Variants in GALNT17 observed in about 807,000 individuals in gnomAD.
GALNT17 encodes UDP-GalNAc:polypeptide N-acetylgalactosaminyltransferase-like 3.
In GALNT17, 29 loss-of-function variants were observed where a neutral mutation model predicts 63.7. That is an observed-to-expected ratio of 0.46 (90% CI 0.34 to 0.62). GALNT17 has a LOEUF of 0.62. Among genes scored for constraint, GALNT17 ranks in the 20% least tolerant of loss-of-function variants. The pLI is 0.01. For synonymous variants in GALNT17, 305 were observed against 318.3 expected, an observed-to-expected ratio of 0.96 and a Z score of 0.45; for missense variants, 603 against 799.6, an observed-to-expected ratio of 0.75 and a Z score of 2.97.
intron 1 of GALNT17, among the ~76,000 whole-genome samples, chr7:71,190,010 A>C (rs1431007415): frequency 6.6e-6 from 1 of 151,942 alleles, no homozygotes; most frequent in East Asian, 1.9e-4. Context: ...GCAGGGTTTC[A>C]CTGTGTTAGC....
intron 1 of GALNT17, among the ~76,000 whole-genome samples, chr7:71,232,652 CT>C (rs927115827): frequency 1.3e-4 from 20 of 152,280 alleles, no homozygotes; most frequent in African/African-American, 4.8e-4. Context: ...TGTTACAGCT[CT>C]GTGACTGCTC....
intron 1 of GALNT17, among the ~76,000 whole-genome samples, chr7:71,165,947 G>T (rs1788432673): frequency 7.5e-6 from 1 of 133,002 alleles, no homozygotes; most frequent in African/African-American, 3.7e-5. Flanking sequence ...AGTGAAAGCT[G>T]CTCTTTTTTT....
chr7:71,497,318 A>G (rs1788112476), intron 5 of GALNT17, among the ~76,000 whole-genome samples: 1 of 152,148 alleles, frequency 6.6e-6, no homozygotes, highest in Non-Finnish European at 1.5e-5. Flanking sequence ...TTATTTTTTC[A>G]CAACTCTGGA....
chr7:71,303,705 T>C (rs77859013), intron 1 of GALNT17, among the ~76,000 whole-genome samples: 1 of 152,116 alleles, frequency 6.6e-6, no homozygotes, highest in African/African-American at 2.4e-5. Flanking sequence ...CCTTTTTTTT[T>C]CTTCATGACT....
intron 6 of GALNT17, among the ~76,000 whole-genome samples, chr7:71,630,875 C>A (rs1332328422): frequency 1.3e-5 from 2 of 152,196 alleles, no homozygotes; most frequent in African/African-American, 4.8e-5. Flanking sequence ...TTGAGATAGG[C>A]CACGTCGTTA....
chr7:71,694,175 A>C (rs1791505259), intron 9 of GALNT17, among the ~76,000 whole-genome samples: 1 of 152,034 alleles, frequency 6.6e-6, no homozygotes, highest in African/African-American at 2.4e-5. Context: ...TGTGAGACTT[A>C]TTCACTATCT....
chr7:71,415,958 A>G lies in GALNT17; in HGVS notation c.659A>G (p.Asn220Ser), dbSNP rs1477179482. 1.9e-6 allele frequency: 3 copies of G among 1,613,734 alleles called. No homozygotes were observed. Residue 220 changes from asparagine (N) to serine (S), a missense_variant, in exon 4 of 11, where the codon AAT becomes AGT. Coordinates refer to ENST00000333538, the MANE Select transcript of GALNT17 (RefSeq NM_022479.3). ...CCCGGGCTGGTGAAGGTGGTAAGAA[A>G]TCAGAAGAGGGAAGGCCTGATCCGC... ...RYPGLVKVVRNQKREGLIRAR... is the reference protein window; with the variant it reads ...RYPGLVKVVRSQKREGLIRAR...
chr7:71,525,063 T>C (rs552407250), intron 5 of GALNT17, among the ~76,000 whole-genome samples: 8 of 152,358 alleles, frequency 5.3e-5, no homozygotes, highest in African/African-American at 1.9e-4. Context: ...TTTTATTAAG[T>C]TGGTGCAAAA....
At chr7:71,311,513 T>TGA (rs1791413652) in intron 1 of GALNT17, among the ~76,000 whole-genome samples, 1 of 152,112 alleles carries the variant, frequency 6.6e-6, no homozygotes, top group African/African-American at 2.4e-5. Context: ...GTGCCCAAAT[T>TGA]CAGGAAGAAT....
In GALNT17 at chr7:71,335,731, C is replaced by T; in HGVS notation, c.420C>T (p.Thr140=). ...LDRSIPDYRP[T]KCKELKYSKD... is the part of the protein sequence containing the mutation. ...GTTCCATTCCGGATTATCGTCCCAC[C>T]AAGTAAGTTCTGGTTCAGTCATTTG... is the stretch of plus-strand genomic sequence containing the variant. Residue 140 remains threonine, a splice_region_variant and synonymous_variant, in exon 2 of 11, where the codon ACC becomes ACT. Coordinates refer to ENST00000333538, the MANE Select transcript of GALNT17 (RefSeq NM_022479.3). 1 of 1,599,136 alleles carries T rather than the reference C, an allele frequency of 6.3e-7. No individual in the cohort carries two copies. The highest frequency in any genetic ancestry group is 8.5e-7 in the Non-Finnish European group (1 of 1,171,922).
At chr7:71,379,756 T>A (rs894975228) in intron 2 of GALNT17, among the ~76,000 whole-genome samples, 1 of 152,040 alleles carries the variant, frequency 6.6e-6, no homozygotes, top group African/African-American at 2.4e-5. Flanking sequence ...TTATGAGCGC[T>A]CCACGTGGAG....
chr7:71,664,067 A>C (rs1401789180), intron 6 of GALNT17, among the ~76,000 whole-genome samples: 2 of 150,020 alleles, frequency 1.3e-5, no homozygotes, highest in African/African-American at 4.9e-5. Flanking sequence ...GGACCAAGAG[A>C]AGTTGGATAG....
intron 9 of GALNT17, among the ~76,000 whole-genome samples, chr7:71,682,217 G>A (rs1284509678): frequency 1.3e-5 from 2 of 151,828 alleles, no homozygotes; most frequent in African/African-American, 4.9e-5. Context: ...AAGAGCCACT[G>A]CGCCCGGCCT....
chr7:71,162,086 T>G, intron 1 of GALNT17, among the ~76,000 whole-genome samples: 1 of 112,912 alleles, frequency 8.9e-6, no homozygotes, highest in Non-Finnish European at 1.8e-5. Context: ...CCTTCTTTCC[T>G]TCCTCCCTCC....
At chr7:71,348,837 T>G (rs543833380) in intron 2 of GALNT17, among the ~76,000 whole-genome samples, 1 of 152,310 alleles carries the variant, frequency 6.6e-6, no homozygotes, top group African/African-American at 2.4e-5. Flanking sequence ...TTAAACAACC[T>G]TTGTGTTTCT....
intron 1 of GALNT17, among the ~76,000 whole-genome samples, chr7:71,312,167 G>C (rs1417504704): frequency 6.6e-6 from 1 of 152,210 alleles, no homozygotes; most frequent in Non-Finnish European, 1.5e-5. Flanking sequence ...TTGCCTCTGA[G>C]CTGCACTTCT....
At chr7:71,467,977 T>C (rs972609158) in intron 5 of GALNT17, among the ~76,000 whole-genome samples, 3 of 152,132 alleles carry the variant, frequency 2.0e-5, no homozygotes, top group Non-Finnish European at 4.4e-5. Context: ...ATTTTATGAA[T>C]GCATGTGGGA....
chr7:71,159,124 T>G (rs1224467123), intron 1 of GALNT17, among the ~76,000 whole-genome samples: 1 of 151,826 alleles, frequency 6.6e-6, no homozygotes, highest in African/African-American at 2.4e-5. Flanking sequence ...CCCCATCTCC[T>G]ACAGAAGTTT....
chr7:71,203,941 A>G (rs1789222056), intron 1 of GALNT17, among the ~76,000 whole-genome samples: 2 of 151,866 alleles, frequency 1.3e-5, no homozygotes, highest in Non-Finnish European at 2.9e-5. Context: ...TCATTTGTTG[A>G]TTTTTGCTTT....
Sources: gnomAD v4.1 joint callset for allele counts (sites outside exome capture counted in the v4.1 genomes callset) on GRCh38, gnomAD v4.1.1 for gene constraint, MANE v1.5 for transcripts, NCBI Gene and HGNC (gene_info 2026-07-23, HGNC 2026-07-21) for gene names.